The following CADM1 variants were observed in gnomAD, a reference collection of about 807,000 sequenced individuals.
The protein encoded by CADM1 is cell adhesion molecule 1.
A neutral mutation model predicts 53.1 loss-of-function variants in CADM1; 15 were observed. The observed-to-expected ratio is 0.28, with a 90% CI of 0.19 to 0.44. The LOEUF is 0.44. CADM1 is among the 20% of genes least tolerant of loss of function. CADM1 has a pLI of 1.00. For synonymous variants in CADM1, 281 were observed against 243.0 expected, an observed-to-expected ratio of 1.16 and a Z score of -1.45; for missense variants, 434 against 611.3, an observed-to-expected ratio of 0.71 and a Z score of 3.06.
chr11:115,373,583 CAAA>C (rs35059216), intron 1 of CADM1, among the ~76,000 whole-genome samples: 17 of 48,828 alleles, frequency 3.5e-4, no homozygotes, highest in Admixed American at 1.2e-3. Context: ...GACTCTGTCT[CAAA>C]AAAAAAAAAA....
At chr11:115,291,430 A>T (rs995914253) in intron 1 of CADM1, among the ~76,000 whole-genome samples, 1 of 152,184 alleles carries the variant, frequency 6.6e-6, no homozygotes, top group Admixed American at 6.5e-5. Context: ...CTGCTTATCA[A>T]TCTAAAAGCT....
At chr11:115,205,706 C>T (rs1206388172) in intron 8 of CADM1, among the ~76,000 whole-genome samples, 1 of 152,036 alleles carries the variant, frequency 6.6e-6, no homozygotes. Flanking sequence ...TTGCCAATAG[C>T]AATAGTTGAA....
At chr11:115,351,638 C>A (rs1414002014) in intron 1 of CADM1, among the ~76,000 whole-genome samples, 2 of 152,146 alleles carry the variant, frequency 1.3e-5, no homozygotes, top group African/African-American at 4.8e-5. Context: ...ATGCTTGAGG[C>A]AGAGAGAAGC....
intron 1 of CADM1, among the ~76,000 whole-genome samples, chr11:115,337,397 C>A (rs1354231853): frequency 6.6e-6 from 1 of 152,128 alleles, no homozygotes; most frequent in Non-Finnish European, 1.5e-5. Context: ...TCAACAGCAC[C>A]TCTCTTTTCC....
chr11:115,312,494 T>C (rs535537856), intron 1 of CADM1, among the ~76,000 whole-genome samples: 6 of 152,264 alleles, frequency 3.9e-5, no homozygotes, highest in South Asian at 2.1e-4. Flanking sequence ...ACAGGACTTA[T>C]AGTAAATCAT....
At chr11:115,483,589 A>T (rs1363725937) in intron 1 of CADM1, among the ~76,000 whole-genome samples, 1 of 152,220 alleles carries the variant, frequency 6.6e-6, no homozygotes, top group African/African-American at 2.4e-5. Flanking sequence ...CAAGCCCACA[A>T]TAGCTCAGTC....
At chr11:115,350,925 TAAA>T (rs11378288) in intron 1 of CADM1, among the ~76,000 whole-genome samples, 17 of 135,842 alleles carry the variant, frequency 1.3e-4, no homozygotes, top group Non-Finnish European at 2.1e-4. Context: ...TACGAGAAGT[TAAA>T]AAAAAAAAAA....
At chr11:115,414,624 T>C (rs1400402793) in intron 1 of CADM1, among the ~76,000 whole-genome samples, 1 of 152,186 alleles carries the variant, frequency 6.6e-6, no homozygotes, top group Non-Finnish European at 1.5e-5. Flanking sequence ...GCCAAAGAGT[T>C]TCTAGTAAAG....
intron 1 of CADM1, among the ~76,000 whole-genome samples, chr11:115,493,278 TAAA>T (rs536260260): frequency 8.2e-6 from 1 of 122,492 alleles, no homozygotes. Context: ...TGTAATTTTC[TAAA>T]AAAAAAAAAA....
At chr11:115,483,852 C>T (rs1003686611) in intron 1 of CADM1, among the ~76,000 whole-genome samples, 8 of 152,156 alleles carry the variant, frequency 5.3e-5, no homozygotes, top group Admixed American at 6.5e-5. Context: ...AATAGTCACA[C>T]GTGACTAGTG....
At chr11:115,286,430 G>T (rs1056369536) in intron 1 of CADM1, among the ~76,000 whole-genome samples, 6 of 152,108 alleles carry the variant, frequency 3.9e-5, no homozygotes, top group African/African-American at 1.4e-4. Flanking sequence ...AAGGCTCAGG[G>T]CATTCAGCTT....
At chr11:115,243,714 A>G (rs1350830720) in intron 1 of CADM1, among the ~76,000 whole-genome samples, 2 of 152,218 alleles carry the variant, frequency 1.3e-5, no homozygotes, top group Non-Finnish European at 2.9e-5. Flanking sequence ...AATAGATATC[A>G]TGACAATTAG....
In CADM1 at chr11:115,190,953, A is replaced by AAAC; in HGVS notation, c.1112-15_1112-13dup. 6.3e-7 allele frequency: 1 copy of AAAC among 1,585,746 alleles called. No individual in the cohort carries two copies. Among genetic ancestry groups the AAAC allele is most frequent in the East Asian group, 2.2e-5 (1 of 44,610 alleles). On this transcript the variant is annotated splice_polypyrimidine_tract_variant and intron_variant, in intron 9 of 11. Coordinates refer to ENST00000331581, the MANE Select transcript of CADM1 (RefSeq NM_001301043.2). ...CAACTGAGTAAGGCCTTACAAGTAAAAACAAATCGTTTTTCTTTTCATTCC... is the reference window on the plus strand; with the variant it reads ...CAACTGAGTAAGGCCTTACAAGTAAAAACAACAAATCGTTTTTCTTTTCATTCC...
chr11:115,264,940 C>A (rs1050052477), intron 1 of CADM1, among the ~76,000 whole-genome samples: 1 of 152,038 alleles, frequency 6.6e-6, no homozygotes, highest in African/African-American at 2.4e-5. Context: ...AACAAGGGTG[C>A]CATGAAGGTA....
chr11:115,214,038 C>A (rs1487924157), intron 7 of CADM1, among the ~76,000 whole-genome samples: 2 of 148,382 alleles, frequency 1.3e-5, no homozygotes, highest in Non-Finnish European at 3.0e-5. Context: ...TTTTAATAAT[C>A]CTGTAAAATG....
At position 115,240,427 on chromosome 11, in the gene CADM1, A is replaced by C. The variant is rs759984652; in HGVS notation, c.125-7T>G. The C allele has an allele frequency of 6.2e-7, 1 of 1,613,474 alleles. No individual in the cohort carries two copies. The highest frequency in any genetic ancestry group is 8.5e-7 in the Non-Finnish European group (1 of 1,179,656). ...AACAGATTCTGCCCATCACCTTAAA[A>C]AAAGGGAAGAAAAGGTCAGAGGAAA... On this transcript the variant is annotated splice_region_variant and splice_polypyrimidine_tract_variant and intron_variant, in intron 1 of 11. Transcript: ENST00000331581.
At chr11:115,289,842 G>A (rs1352789743) in intron 1 of CADM1, among the ~76,000 whole-genome samples, 9 of 151,906 alleles carry the variant, frequency 5.9e-5, no homozygotes, top group Non-Finnish European at 1.3e-4. Flanking sequence ...TGATCCGCCC[G>A]CCTCGGCCTC....
intron 1 of CADM1, among the ~76,000 whole-genome samples, chr11:115,358,646 G>A (rs1329403319): frequency 6.6e-6 from 1 of 151,948 alleles, no homozygotes; most frequent in Non-Finnish European, 1.5e-5. Context: ...CTTTTTATCC[G>A]GCTTATTTCA....
chr11:115,347,009 G>A (rs1011271659), intron 1 of CADM1, among the ~76,000 whole-genome samples: 2 of 152,074 alleles, frequency 1.3e-5, no homozygotes, highest in African/African-American at 4.8e-5. Flanking sequence ...ACGAAATTTA[G>A]AGTACCTAAA....
Sources: allele counts gnomAD v4.1 joint callset (sites outside exome capture counted in the v4.1 genomes callset), GRCh38; gene constraint gnomAD v4.1.1; transcripts MANE v1.5; gene names NCBI Gene and HGNC (gene_info 2026-07-23, HGNC 2026-07-21).